The following MOSMO variants were observed in gnomAD, a reference collection of about 807,000 sequenced individuals.
The protein encoded by MOSMO is modulator of smoothened protein.
Under a neutral mutation model 18.4 loss-of-function variants are expected in MOSMO, and 5 were observed. The ratio of observed to expected loss-of-function variants is 0.27; its 90% confidence interval spans 0.14 to 0.57. The LOEUF (loss-of-function observed/expected upper bound fraction) is 0.57, where lower values mean the gene tolerates loss of function less well. Ranked by LOEUF, MOSMO falls within the 20% of genes least tolerant of loss-of-function variation. The probability of loss-of-function intolerance (pLI) is 0.92; values close to 1 mark genes in which losing one functional copy is unlikely to be tolerated. For synonymous variants in MOSMO, 82 were observed against 82.3 expected (o/e 1.00, Z 0.02); for missense variants, 138 against 211.8 (o/e 0.65, Z 2.16).
At chr16:22,084,823 C>T (rs1170113350), downstream of MOSMO, among the ~76,000 whole-genome samples, 1 of 152,066 alleles carries the variant, frequency 6.6e-6, no homozygotes, top group African/African-American at 2.4e-5. Context: ...CTTTGCTCAC[C>T]GCTAGAGAAG....
At chr16:22,021,889 T>G (rs1450460219) in intron 1 of MOSMO, among the ~76,000 whole-genome samples, 1 of 152,138 alleles carries the variant, frequency 6.6e-6, no homozygotes. Context: ...TGAGCATGTT[T>G]CTTGGCCTCG....
At chr16:22,020,291 A>ATTTTT (rs1204620607) in intron 1 of MOSMO, among the ~76,000 whole-genome samples, 3 of 122,516 alleles carry the variant, frequency 2.4e-5, no homozygotes, top group Non-Finnish European at 3.4e-5. Context: ...CCTGACTTTA[A>ATTTTT]TTTTTTTTTT....
chr16:22,013,823 C>G (rs930347453), intron 1 of MOSMO, among the ~76,000 whole-genome samples: 5 of 147,656 alleles, frequency 3.4e-5, no homozygotes, highest in Non-Finnish European at 5.9e-5. Flanking sequence ...GTATTCATTT[C>G]TGAAGATATT....
intron 1 of MOSMO, among the ~76,000 whole-genome samples, chr16:22,025,906 T>C (rs777591822): frequency 4.6e-5 from 7 of 152,196 alleles, no homozygotes; most frequent in Non-Finnish European, 1.0e-4. Flanking sequence ...ACCTCTCTCT[T>C]ATTAACACCC....
intron 1 of MOSMO, among the ~76,000 whole-genome samples, chr16:22,010,542 C>T (rs1029544805): frequency 2.0e-5 from 3 of 152,062 alleles, no homozygotes. Flanking sequence ...ACTAAATGAC[C>T]ATGCAAAAGA....
At chr16:22,018,734 G>A (rs2141983025) in intron 1 of MOSMO, among the ~76,000 whole-genome samples, 1 of 152,268 alleles carries the variant, frequency 6.6e-6, no homozygotes, top group African/African-American at 2.4e-5. Context: ...CATCTTGTGA[G>A]TATGTACCAA....
At chr16:22,068,390 C>T (rs538456116) in intron 1 of MOSMO, among the ~76,000 whole-genome samples, 20 of 152,178 alleles carry the variant, frequency 1.3e-4, no homozygotes, top group African/African-American at 4.3e-4. Flanking sequence ...TTAAAATGGC[C>T]TAAAAAATAA....
Position 22,053,485 on chromosome 16 carries a change from T to G in MOSMO, c.107-22002T>G, listed in dbSNP as rs190002355. Among the ~76,000 whole-genome samples the G allele has an allele frequency of 9.0e-4, 137 of 152,180 alleles. 6 individuals carry two copies. In the East Asian group the frequency reaches 0.02, roughly 23 times the overall value. ...CATGCTCTTGTATATGCGTACATTATCCCTCCTGTAAAGATACACAAGAAG... is the reference window on the plus strand; with the variant it reads ...CATGCTCTTGTATATGCGTACATTAGCCCTCCTGTAAAGATACACAAGAAG... On this transcript the variant is annotated intron_variant, in intron 1 of 2. Coordinates refer to ENST00000542527, the MANE Select transcript of MOSMO (RefSeq NM_001164579.2).
At chr16:22,015,252 C>CT (rs961694329) in intron 1 of MOSMO, among the ~76,000 whole-genome samples, 15 of 149,922 alleles carry the variant, frequency 1.0e-4, no homozygotes, top group South Asian at 2.1e-4. Context: ...CATGTTATGA[C>CT]TTTTTTTTTT....
chr16:22,091,666 C>A (rs1039379166), downstream of MOSMO, among the ~76,000 whole-genome samples: 2 of 152,204 alleles, frequency 1.3e-5, no homozygotes, highest in Non-Finnish European at 2.9e-5. Context: ...GCTGGGATTA[C>A]AGACATGAGC....
intron 1 of MOSMO, among the ~76,000 whole-genome samples, chr16:22,061,915 A>G (rs1472153095): frequency 1.3e-5 from 2 of 152,224 alleles, no homozygotes; most frequent in African/African-American, 4.8e-5. Flanking sequence ...CTTATGCTGA[A>G]TTTAACTACA....
At chr16:22,044,387 T>C (rs918984158) in intron 1 of MOSMO, among the ~76,000 whole-genome samples, 1 of 152,160 alleles carries the variant, frequency 6.6e-6, no homozygotes, top group Non-Finnish European at 1.5e-5. Context: ...TTCCTAAGCT[T>C]CCTACAAGAA....
At chr16:22,038,110 A>T (rs145558269) in intron 1 of MOSMO, among the ~76,000 whole-genome samples, 1 of 152,342 alleles carries the variant, frequency 6.6e-6, no homozygotes, top group African/African-American at 2.4e-5. Context: ...AGAAACTCTC[A>T]TCACTCTGGA....
chr16:22,090,010 G>A (rs572664799), downstream of MOSMO: 5 of 151,924 alleles, frequency 3.3e-5, no homozygotes, highest in South Asian at 8.3e-4. Flanking sequence ...TTGGAAAATC[G>A]TTCCTTTCCT....
At chr16:22,058,732 C>G (rs1900586908) in intron 1 of MOSMO, among the ~76,000 whole-genome samples, 1 of 152,110 alleles carries the variant, frequency 6.6e-6, no homozygotes, top group Non-Finnish European at 1.5e-5. Flanking sequence ...AGTTCGTTTT[C>G]GTATTTGTTG....
chr16:22,031,576 G>C (rs923144016), intron 1 of MOSMO, among the ~76,000 whole-genome samples: 1 of 152,162 alleles, frequency 6.6e-6, no homozygotes, highest in African/African-American at 2.4e-5. Flanking sequence ...GTTTCATACA[G>C]TTTACCTATT....
chr16:22,070,852 A>G (rs964053996), intron 1 of MOSMO, among the ~76,000 whole-genome samples: 1 of 152,136 alleles, frequency 6.6e-6, no homozygotes, highest in African/African-American at 2.4e-5. Flanking sequence ...GCGAGCTGCC[A>G]GCGTCTGACT....
At chr16:22,041,807 T>A (rs1900215660) in intron 1 of MOSMO, among the ~76,000 whole-genome samples, 1 of 152,002 alleles carries the variant, frequency 6.6e-6, no homozygotes, top group South Asian at 2.1e-4. Context: ...CCTTAGTAGC[T>A]GGGACTACAG....
rs1014042859 is a variant in MOSMO at position 22,078,140 on chromosome 16, C to T, written c.319+2441C>T. 4.6e-5 allele frequency among the ~76,000 whole-genome samples: 7 copies of T among 151,882 alleles called. No homozygotes were observed. The East Asian group carries it at 1.3e-3, about 29-fold the overall frequency. On this transcript the variant is annotated intron_variant, in intron 2 of 2. Transcript: ENST00000542527. ...GTTTGGCCCTTGTTCTTTCCTTTGC[C>T]ACCCTGATTTCCACCCTCACCTACC... is the stretch of plus-strand genomic sequence containing the variant.
Sources: gnomAD v4.1 joint callset for allele counts (sites outside exome capture counted in the v4.1 genomes callset) on GRCh38, gnomAD v4.1.1 for gene constraint, MANE v1.5 for transcripts, NCBI Gene and HGNC (gene_info 2026-07-23, HGNC 2026-07-21) for gene names.